FSTL5: variants seen among roughly 807,000 people sequenced by gnomAD.
The protein encoded by FSTL5 is follistatin-related protein 5.
FSTL5 carries 62 observed loss-of-function variants against 89.1 expected under a neutral mutation model. The observed-to-expected ratio is 0.70, with a 90% CI of 0.57 to 0.86. The LOEUF (loss-of-function observed/expected upper bound fraction) is 0.86. Ranked by LOEUF, FSTL5 falls within the 40% of genes least tolerant of loss-of-function variation. FSTL5 has a pLI of 0.00. For missense variants in FSTL5, 1,057 were observed against 1,001.6 expected (o/e 1.06, Z -0.75); for synonymous variants, 383 against 346.2 (o/e 1.11, Z -1.18).
At chr4:161,779,911 C>A (rs192010285) in intron 4 of FSTL5, among the ~76,000 whole-genome samples, 1 of 146,232 alleles carries the variant, frequency 6.8e-6, no homozygotes, top group East Asian at 2.0e-4. Context: ...CACATGCACA[C>A]ACAAATGTAG....
At chr4:162,044,416 G>T (rs1560988777) in intron 2 of FSTL5, among the ~76,000 whole-genome samples, 1 of 152,110 alleles carries the variant, frequency 6.6e-6, no homozygotes, top group East Asian at 1.9e-4. Context: ...GCGGTAAACA[G>T]GTGTGCTATC....
intron 15 of FSTL5, among the ~76,000 whole-genome samples, chr4:161,432,497 T>C (rs11930150): frequency 0.024 from 3,595 of 151,804 alleles, 145 homozygotes; most frequent in African/African-American, 0.081. Context: ...ACCAAAAAGG[T>C]AGAAAAACTT....
intron 13 of FSTL5, among the ~76,000 whole-genome samples, chr4:161,466,413 A>G (rs935455643): frequency 1.3e-5 from 2 of 152,188 alleles, no homozygotes; most frequent in Non-Finnish European, 2.9e-5. Flanking sequence ...TGGTCTTGAC[A>G]TGAAGGAACA....
chr4:162,073,109 T>G (rs1729694661), intron 2 of FSTL5, among the ~76,000 whole-genome samples: 1 of 151,838 alleles, frequency 6.6e-6, no homozygotes, highest in Non-Finnish European at 1.5e-5. Flanking sequence ...CTAATCTGCA[T>G]GAGCCAATAA....
chr4:161,433,751 G>C (rs1279556376), intron 15 of FSTL5, among the ~76,000 whole-genome samples: 3 of 152,012 alleles, frequency 2.0e-5, no homozygotes, highest in Non-Finnish European at 4.4e-5. Context: ...AGTAGCATTT[G>C]TATGTGCCAA....
intron 3 of FSTL5, among the ~76,000 whole-genome samples, chr4:162,015,299 G>A (rs568015746): frequency 3.3e-5 from 5 of 152,216 alleles, no homozygotes; most frequent in East Asian, 3.9e-4. Flanking sequence ...GAAGTGTGAC[G>A]GATTTAGTTT....
At chr4:162,073,953 T>C (rs189288361) in intron 2 of FSTL5, among the ~76,000 whole-genome samples, 49 of 151,896 alleles carry the variant, frequency 3.2e-4, no homozygotes, top group Admixed American at 7.9e-4. Flanking sequence ...AAGTAATACA[T>C]GTAAAAACTG....
At chr4:161,489,734 T>C (rs1003162869) in intron 12 of FSTL5, among the ~76,000 whole-genome samples, 3 of 152,148 alleles carry the variant, frequency 2.0e-5, no homozygotes, top group African/African-American at 7.2e-5. Context: ...CAACTATTGA[T>C]TAATAAATTC....
intron 8 of FSTL5, among the ~76,000 whole-genome samples, chr4:161,564,658 T>C (rs538801027): frequency 2.6e-5 from 4 of 151,760 alleles, no homozygotes; most frequent in African/African-American, 9.6e-5. Context: ...TAATACATGA[T>C]AATTACTGTT....
At chr4:161,474,584 C>T (rs752202632) in intron 13 of FSTL5, among the ~76,000 whole-genome samples, 24 of 146,574 alleles carry the variant, frequency 1.6e-4, no homozygotes, top group African/African-American at 4.5e-4. Flanking sequence ...CTCGCTCTCT[C>T]GCTCAGGCTG....
At chr4:161,690,233 T>A (rs1275813167) in intron 6 of FSTL5, among the ~76,000 whole-genome samples, 2 of 152,164 alleles carry the variant, frequency 1.3e-5, no homozygotes, top group African/African-American at 4.8e-5. Context: ...CCAATAGCAG[T>A]AGGGTTCCAA....
intron 8 of FSTL5, among the ~76,000 whole-genome samples, chr4:161,558,613 G>C (rs561389028): frequency 6.6e-6 from 1 of 151,694 alleles, no homozygotes; most frequent in Non-Finnish European, 1.5e-5. Context: ...CGTCCACACC[G>C]TTCTGGTTCC....
chr4:161,518,993 T>C (rs1730932596), intron 10 of FSTL5, among the ~76,000 whole-genome samples: 1 of 152,168 alleles, frequency 6.6e-6, no homozygotes, highest in Admixed American at 6.5e-5. Flanking sequence ...TTTTATTCCC[T>C]GGCCTTCTGC....
At chr4:161,450,247 T>G (rs1323935316) in intron 15 of FSTL5, among the ~76,000 whole-genome samples, 1 of 152,246 alleles carries the variant, frequency 6.6e-6, no homozygotes, top group Non-Finnish European at 1.5e-5. Flanking sequence ...ATATAACATG[T>G]AACTGCCAGA....
chr4:161,389,334 G>A (rs930267953), intron 15 of FSTL5, among the ~76,000 whole-genome samples: 3 of 152,086 alleles, frequency 2.0e-5, no homozygotes, highest in African/African-American at 7.2e-5. Context: ...CTTTTTCTAG[G>A]AAATTAATGC....
intron 6 of FSTL5, among the ~76,000 whole-genome samples, chr4:161,686,341 TATATA>T (rs1345912997): frequency 4.7e-3 from 38 of 8,058 alleles, no homozygotes; most frequent in East Asian, 0.025. Context: ...TATATATATA[TATATA>T]TTTTTTTTTT....
chr4:161,762,439 AAACT>A, intron 5 of FSTL5, among the ~76,000 whole-genome samples: 1 of 152,286 alleles, frequency 6.6e-6, no homozygotes, highest in Non-Finnish European at 1.5e-5. Context: ...CTGGTTCCAA[AAACT>A]CACTGTAGAC....
chr4:161,751,702 G>A (rs568014914), intron 6 of FSTL5, among the ~76,000 whole-genome samples: 1 of 151,982 alleles, frequency 6.6e-6, no homozygotes, highest in South Asian at 2.1e-4. Context: ...GATTGCTTGA[G>A]CCCAGGAGCT....
chr4:161,547,411 T>G (rs1475823197), intron 8 of FSTL5, among the ~76,000 whole-genome samples: 2 of 151,976 alleles, frequency 1.3e-5, no homozygotes, highest in African/African-American at 4.8e-5. Context: ...TAATTTATTA[T>G]GCAGCATAGA....
Sources: gnomAD v4.1 joint callset for allele counts (sites outside exome capture counted in the v4.1 genomes callset) on GRCh38, gnomAD v4.1.1 for gene constraint, MANE v1.5 for transcripts, NCBI Gene and HGNC (gene_info 2026-07-23, HGNC 2026-07-21) for gene names.